GNB5: variants seen among roughly 807,000 people sequenced by gnomAD.
The protein encoded by GNB5 is G protein subunit beta 5.
GNB5 carries 37 observed loss-of-function variants against 55.3 expected under a neutral mutation model. That is an observed-to-expected ratio of 0.67 (90% CI 0.51 to 0.88). GNB5 has a LOEUF of 0.88. GNB5 is among the 40% of genes least tolerant of loss of function. GNB5 has a pLI of 0.00. For synonymous variants in GNB5, 219 were observed against 198.5 expected (o/e 1.10, Z -0.87); for missense variants, 476 against 515.3 (o/e 0.92, Z 0.74).
chr15:52,145,988 G>A (rs1464829092), intron 6 of GNB5, among the ~76,000 whole-genome samples: 10 of 124,650 alleles, frequency 8.0e-5, no homozygotes, highest in Admixed American at 2.0e-4. Flanking sequence ...ATGGAGTCTC[G>A]CTCTCTCCCC....
At chr15:52,179,502 G>C (rs374827995) in intron 3 of GNB5, among the ~76,000 whole-genome samples, 32 of 152,030 alleles carry the variant, frequency 2.1e-4, no homozygotes, top group African/African-American at 7.7e-4. Context: ...GATGAGGATA[G>C]CTAGTCCCGC....
intron 6 of GNB5, among the ~76,000 whole-genome samples, chr15:52,142,481 T>C (rs941778057): frequency 5.3e-5 from 8 of 152,186 alleles, no homozygotes; most frequent in East Asian, 1.9e-4. Context: ...TTTTTCTTAA[T>C]TGTATCATGA....
At chr15:52,136,044 C>T (rs1221499358) in intron 7 of GNB5, among the ~76,000 whole-genome samples, 1 of 129,584 alleles carries the variant, frequency 7.7e-6, no homozygotes, top group African/African-American at 3.0e-5. Context: ...AGAGGCTTAA[C>T]GTTTTGCAGG....
intron 5 of GNB5, among the ~76,000 whole-genome samples, chr15:52,148,103 C>A (rs2034015601): frequency 6.6e-6 from 1 of 151,672 alleles, no homozygotes; most frequent in African/African-American, 2.4e-5. Flanking sequence ...TCCTTAATGT[C>A]ATACTCCCTT....
chr15:52,189,305 G>A (rs974724267), intron 1 of GNB5, among the ~76,000 whole-genome samples: 2 of 152,192 alleles, frequency 1.3e-5, no homozygotes, highest in African/African-American at 4.8e-5. Context: ...ACTTGAAAAT[G>A]TATGTTCACT....
At chr15:52,139,726 C>T in intron 7 of GNB5, 1 of 1,080,998 alleles carries the variant, frequency 9.3e-7, no homozygotes, top group Admixed American at 3.2e-5. Context: ...CCCTGCCTCC[C>T]AGGCCGCGTC....
intron 4 of GNB5, among the ~76,000 whole-genome samples, chr15:52,153,591 TC>T (rs1490804205): frequency 6.6e-6 from 1 of 152,214 alleles, no homozygotes; most frequent in Non-Finnish European, 1.5e-5. Flanking sequence ...ATTGCTAAGC[TC>T]CTTAAATTGA....
intron 2 of GNB5, 92 bp downstream of exon 2, chr15:52,184,459 T>C: frequency 1.8e-6 from 2 of 1,093,940 alleles, no homozygotes; most frequent in South Asian, 1.3e-5. Flanking sequence ...GTGTGTGTTA[T>C]ATAAGCTGAT....
At position 52,135,751 on chromosome 15, in the gene GNB5, C is replaced by T; in HGVS notation, c.633G>A (p.Leu211=). ...CSFTNSDMQI[L]TASGDGTCAL... is the part of the protein sequence containing the mutation. ...CACATGTGCCATCGCCGCTCGCTGT[C>T]AGGATCTGCCCGCAGAAAAGGACAG... Residue 211 remains leucine, a synonymous_variant, in exon 8 of 13, where the codon CTG becomes CTA. Coordinates refer to ENST00000261837, the MANE Select transcript of GNB5 (RefSeq NM_016194.4). 1 of 1,612,162 alleles carries T rather than the reference C, an allele frequency of 6.2e-7. No individual in the cohort carries two copies. The highest frequency in any genetic ancestry group is 8.5e-7 in the Non-Finnish European group (1 of 1,179,820).
intron 3 of GNB5, among the ~76,000 whole-genome samples, chr15:52,163,978 G>A (rs149538674): frequency 1.3e-5 from 2 of 152,218 alleles, no homozygotes; most frequent in East Asian, 3.9e-4. Context: ...CCAGCAAACC[G>A]CAGCAGCCCT....
At chr15:52,182,958 C>A (rs146445772) in intron 2 of GNB5, among the ~76,000 whole-genome samples, 8 of 152,266 alleles carry the variant, frequency 5.3e-5, no homozygotes, top group African/African-American at 1.9e-4. Flanking sequence ...TCAAAACCAG[C>A]CTGGCCAACA....
At chr15:52,128,572 A>G (rs2033487131) in intron 9 of GNB5, 2 of 560,674 alleles carry the variant, frequency 3.6e-6, no homozygotes, top group Non-Finnish European at 6.8e-6. Flanking sequence ...GGGATAAGAA[A>G]GTGGTTATGA....
chr15:52,121,125 GTCTC>G lies in GNB5; in HGVS notation c.*1628_*1631del, dbSNP rs2033256390. On this transcript the variant is annotated 3_prime_UTR_variant, in exon 13 of 13. Coordinates refer to ENST00000261837, the MANE Select transcript of GNB5 (RefSeq NM_016194.4). ...TGTGCCCAGCTCCAGCTCTGGAAGA[GTCTC>G]TCTGAGGAGCAGGGCCTGGAGCTGG... 1 of 152,200 alleles carries G rather than the reference GTCTC, an allele frequency of 6.6e-6. No individual in the cohort carries two copies. The highest frequency in any genetic ancestry group is 2.4e-5 in the African/African-American group (1 of 41,448). The allele number at this position is 152,200 out of a possible 1,614,324, so 9.4% of individuals were successfully genotyped here.
intron 3 of GNB5, among the ~76,000 whole-genome samples, chr15:52,158,889 T>C (rs373448137): frequency 1.3e-5 from 2 of 152,100 alleles, no homozygotes; most frequent in East Asian, 3.9e-4. Flanking sequence ...GGAGCCATAA[T>C]GATGATTTCC....
intron 1 of GNB5, among the ~76,000 whole-genome samples, chr15:52,185,713 A>T (rs991726216): frequency 6.6e-6 from 1 of 151,384 alleles, no homozygotes; most frequent in Non-Finnish European, 1.5e-5. Flanking sequence ...TGAGACAGCA[A>T]TAACGTTCTA....
intron 3 of GNB5, among the ~76,000 whole-genome samples, chr15:52,158,390 A>G (rs574464086): frequency 6.6e-6 from 1 of 152,346 alleles, no homozygotes; most frequent in East Asian, 1.9e-4. Context: ...AGTAATATTT[A>G]CTGAAGGAAT....
chr15:52,178,693 AAAG>A (rs2034699840), intron 3 of GNB5, among the ~76,000 whole-genome samples: 1 of 152,190 alleles, frequency 6.6e-6, no homozygotes, highest in Non-Finnish European at 1.5e-5. Flanking sequence ...CCTCCTATTT[AAAG>A]AAGACCCCTA....
At chr15:52,141,447 A>T (rs1245114509) in intron 6 of GNB5, among the ~76,000 whole-genome samples, 175 bp from the exon 7 acceptor site, 50 of 147,226 alleles carry the variant, frequency 3.4e-4, no homozygotes, top group Non-Finnish European at 5.5e-4. Context: ...TTTTTTTTTT[A>T]AATAGAGACA....
At chr15:52,122,949 G>T (rs1193136239) in intron 12 of GNB5, among the ~76,000 whole-genome samples, 181 bp from the exon 13 acceptor site, 1 of 151,346 alleles carries the variant, frequency 6.6e-6, no homozygotes, top group Non-Finnish European at 1.5e-5. Flanking sequence ...ATGTGCCTTA[G>T]AAGGATAACA....
Sources: gnomAD v4.1 joint callset for allele counts (sites outside exome capture counted in the v4.1 genomes callset) on GRCh38, gnomAD v4.1.1 for gene constraint, MANE v1.5 for transcripts, NCBI Gene and HGNC (gene_info 2026-07-23, HGNC 2026-07-21) for gene names.